The following LBR variants were observed in gnomAD, a reference collection of about 807,000 sequenced individuals.
LBR encodes delta(14)-sterol reductase LBR.
A neutral mutation model predicts 74.3 loss-of-function variants in LBR; 28 were observed. The observed-to-expected ratio is 0.38, with a 90% CI of 0.28 to 0.52. LBR has a LOEUF of 0.52. Among genes scored for constraint, LBR ranks in the 20% least tolerant of loss-of-function variants. LBR has a pLI of 0.89. For missense variants in LBR, 717 were observed against 760.3 expected (o/e 0.94, Z 0.67); for synonymous variants, 228 against 269.3 (o/e 0.85, Z 1.50).
rs766329359 is a variant in LBR at position 225,403,325 on chromosome 1, C to T, written c.1826G>A (p.Arg609His). 6.1e-5 allele frequency: 98 copies of T among 1,613,174 alleles called. No homozygotes were observed. The highest frequency in any genetic ancestry group is 5.8e-4 in the East Asian group (26 of 44,800). Residue 609 changes from arginine to histidine, a missense_variant, in exon 14 of 14, where the codon CGT becomes CAT. Physicochemically the swap from Arg to His is conservative, Grantham distance 29. Transcript: ENST00000272163. ...WEKYCQRVPY[R>H]IFPYIY ...GCATTAGTAGATGTATGGAAATATA[C>T]GGTAGGGCACACGCTGACAGTACTT...
chr1:225,413,870 CTCCATG>C (rs2096111365), intron 7 of LBR: 1 of 436,952 alleles, frequency 2.3e-6, no homozygotes, highest in African/African-American at 2.0e-5. Flanking sequence ...GCTCCAAGAG[CTCCATG>C]TCCAAGTGCT....
chr1:225,406,744 T>C lies in LBR; in HGVS notation c.1403A>G (p.Tyr468Cys), dbSNP rs2096092550. Residue 468 changes from tyrosine (Y) to cysteine (C), a missense_variant, in exon 11 of 14, where the codon TAC becomes TGC. Transcript: ENST00000272163. ...GACTAAATAAAAGGCTTGGAAGCTG[T>C]AAATAAAGGGAACCCACACCAAGTC... ...FGDLVWVPFI[Y>C]SFQAFYLVSH... 6.2e-7 allele frequency: 1 copy of C among 1,614,016 alleles called. No individual in the cohort carries two copies. Among genetic ancestry groups the C allele is most frequent in the Admixed American group, 1.7e-5 (1 of 59,998 alleles).
intron 2 of LBR, among the ~76,000 whole-genome samples, chr1:225,423,096 T>C (rs182735308): frequency 3.1e-4 from 47 of 152,312 alleles, no homozygotes; most frequent in African/African-American, 1.1e-3. Context: ...GTTACTAATC[T>C]GTGCAAGTAC....
Position 225,403,033 on chromosome 1 carries a change from C to G in LBR, c.*270G>C. Reference sequence around the variant, plus strand: ...AGTACATTTATATTAAGACTGTCTTCTGTTTTCAGATTAAGGGTTGAAAAT... The same window carrying G: ...AGTACATTTATATTAAGACTGTCTTGTGTTTTCAGATTAAGGGTTGAAAAT... On this transcript the variant is annotated 3_prime_UTR_variant, in exon 14 of 14. Transcript: ENST00000272163. The G allele has an allele frequency of 2.2e-6, 1 of 449,094 alleles. No homozygotes were observed. The highest frequency in any genetic ancestry group is 4.3e-5 in the East Asian group (1 of 23,432). 27.8% of individuals were successfully genotyped at this position (449,094 alleles called of 1,614,324 possible). A position where few individuals can be genotyped will look rare whatever the true frequency, so the allele number is the denominator to read the frequency against.
At chr1:225,407,333 G>A (rs1366699471) in intron 10 of LBR, among the ~76,000 whole-genome samples, 2 of 152,200 alleles carry the variant, frequency 1.3e-5, no homozygotes, top group Admixed American at 6.5e-5. Flanking sequence ...CCGCCATGGA[G>A]AGAAGTGTTC....
chr1:225,411,668 G>T (rs962707850), intron 8 of LBR, among the ~76,000 whole-genome samples: 1 of 152,150 alleles, frequency 6.6e-6, no homozygotes, highest in Non-Finnish European at 1.5e-5. Context: ...GGGGGCCCAG[G>T]TTTCTTAAAA....
chr1:225,428,265 T>A (rs2096145262), upstream of LBR, among the ~76,000 whole-genome samples: 1 of 151,926 alleles, frequency 6.6e-6, no homozygotes, highest in South Asian at 2.1e-4. Context: ...GGGAGGCCGG[T>A]GAGCGGGGGA....
chr1:225,417,107 G>C (rs2096118705), intron 6 of LBR, among the ~76,000 whole-genome samples: 1 of 152,046 alleles, frequency 6.6e-6, no homozygotes, highest in South Asian at 2.1e-4. Context: ...TACCCTAAAT[G>C]AATCTGAATT....
intron 13 of LBR, among the ~76,000 whole-genome samples, chr1:225,403,772 T>C (rs1407592517): frequency 1.3e-5 from 2 of 152,146 alleles, no homozygotes; most frequent in African/African-American, 2.4e-5. Flanking sequence ...GAAGAAAAAC[T>C]GCTGTCTTCC....
chr1:225,424,172 T>C, intron 1 of LBR, 83 bp from the exon 2 acceptor site: 1 of 1,061,132 alleles, frequency 9.4e-7, no homozygotes, highest in Non-Finnish European at 1.5e-6. Flanking sequence ...ATCACTAAAA[T>C]ACAACTTTCC....
At chr1:225,417,319 T>C (rs1372728597) in intron 6 of LBR, among the ~76,000 whole-genome samples, 2 of 152,184 alleles carry the variant, frequency 1.3e-5, no homozygotes, top group Non-Finnish European at 1.5e-5. Flanking sequence ...GATCTTTAAA[T>C]AAATTATTTA....
intron 9 of LBR, among the ~76,000 whole-genome samples, chr1:225,411,126 G>A (rs1463163733): frequency 1.3e-5 from 2 of 152,136 alleles, no homozygotes; most frequent in African/African-American, 4.8e-5. Context: ...ATAAAGCAAA[G>A]AAAAGTTATT....
chr1:225,423,856 A>G, intron 2 of LBR, 55 bp downstream of exon 2: 8 of 1,505,174 alleles, frequency 5.3e-6, no homozygotes, highest in Non-Finnish European at 7.4e-6. Flanking sequence ...AACCATACTT[A>G]GAGTTATTTC....
Position 225,403,125 on chromosome 1 carries a change from C to A in LBR, c.*178G>T. On this transcript the variant is annotated 3_prime_UTR_variant, in exon 14 of 14. Transcript: ENST00000272163. ...TTCCTATGTTAACTGTAAGTTAATA[C>A]AAGTAAACACGGCTATATTAAAAGA... 1 of 605,774 alleles carries A rather than the reference C, an allele frequency of 1.7e-6. No individual in the cohort carries two copies. Among genetic ancestry groups the A allele is most frequent in the East Asian group, 2.8e-5 (1 of 35,874 alleles). The allele number at this position is 605,774 out of a possible 1,614,324, so 37.5% of individuals were successfully genotyped here. A position where few individuals can be genotyped will look rare whatever the true frequency, so the allele number is the denominator to read the frequency against.
chr1:225,426,962 C>G (rs528265349), intron 1 of LBR, among the ~76,000 whole-genome samples: 1 of 152,338 alleles, frequency 6.6e-6, no homozygotes, highest in African/African-American at 2.4e-5. Flanking sequence ...CTGCTCTTCT[C>G]CGTAGCTCCA....
chr1:225,412,498 C>A lies in LBR; in HGVS notation c.1040G>T (p.Arg347Leu). Residue 347 changes from arginine to leucine, a missense_variant, in exon 8 of 14, where the codon CGC (arginine) becomes CTC (leucine). Transcript: ENST00000272163. ...CVVLSVYLYM[R>L]SLKAPRNDLS... is the part of the protein sequence containing the mutation. ...GTCATTCCGGGGCGCTTTCAAAGAGCGCATGTAGAGATACACACTCAAGAC... is the reference window on the plus strand; with the variant it reads ...GTCATTCCGGGGCGCTTTCAAAGAGAGCATGTAGAGATACACACTCAAGAC... The A allele has an allele frequency of 6.2e-7, 1 of 1,614,032 alleles. No individual in the cohort carries two copies. The highest frequency in any genetic ancestry group is 8.5e-7 in the Non-Finnish European group (1 of 1,180,004).
At chr1:225,423,388 A>G (rs2150959472) in intron 2 of LBR, among the ~76,000 whole-genome samples, 1 of 152,180 alleles carries the variant, frequency 6.6e-6, no homozygotes, top group South Asian at 2.1e-4. Context: ...TGAAGCCCAA[A>G]CCCTTGGGCA....
intron 7 of LBR, chr1:225,414,198 TG>T: frequency 2.2e-6 from 1 of 452,080 alleles, no homozygotes; most frequent in Middle Eastern, 3.3e-4. Context: ...ACTCTGGAGC[TG>T]GGGGAGACGT....
upstream of LBR, among the ~76,000 whole-genome samples, chr1:225,428,201 T>C (rs1376635472): frequency 6.6e-6 from 1 of 151,836 alleles, no homozygotes; most frequent in Non-Finnish European, 1.5e-5. Context: ...CCCGGCGCTG[T>C]CGATTGGTCG....
Sources: allele counts gnomAD v4.1 joint callset (sites outside exome capture counted in the v4.1 genomes callset), GRCh38; gene constraint gnomAD v4.1.1; transcripts MANE v1.5; gene names NCBI Gene and HGNC (gene_info 2026-07-23, HGNC 2026-07-21).